PRRC1: variants seen among roughly 807,000 people sequenced by gnomAD.
PRRC1 encodes proline rich coiled-coil 1.
Under a neutral mutation model 40.7 loss-of-function variants are expected in PRRC1, and 39 were observed. That is an observed-to-expected ratio of 0.96 (90% confidence interval 0.74 to 1.25). The LOEUF (loss-of-function observed/expected upper bound fraction) is 1.25. PRRC1 is among the 50% of genes most tolerant of loss of function. PRRC1 has a pLI of 0.00. For missense variants in PRRC1, 573 were observed against 548.3 expected (o/e 1.05, Z -0.45); for synonymous variants, 175 against 193.3 (o/e 0.91, Z 0.79).
At chr5:127,520,332 C>G (rs112185544) in intron 1 of PRRC1, among the ~76,000 whole-genome samples, 1 of 152,172 alleles carries the variant, frequency 6.6e-6, no homozygotes, top group African/African-American at 2.4e-5. Context: ...CCTTAATGGC[C>G]TGTCTGCATC....
At position 127,530,384 on chromosome 5, in the gene PRRC1, G is replaced by T. The variant is rs146418859; in HGVS notation, c.745G>T (p.Ala249Ser). The T allele has an allele frequency of 2.4e-5, 38 of 1,613,072 alleles. No homozygotes were observed. Among genetic ancestry groups the T allele is most frequent in the Non-Finnish European group, 3.0e-5 (35 of 1,179,384 alleles). The change falls in exon 5 of 9, where the codon GCT (alanine) becomes TCT (serine). Residue 249 changes from alanine (A) to serine (S), a missense_variant. Coordinates refer to ENST00000296666, the MANE Select transcript of PRRC1 (RefSeq NM_130809.5). ...GATTACAACGCTGGACCCTGGCATG[G>T]CTCCCTATATCAGTATGTACATAAG... ...SMITTLDPGM[A>S]PYIKSGGELD...
rs1460497614 is a variant in PRRC1, at chr5:127,523,547, C to T, written c.68C>T (p.Ala23Val). 3 of 1,612,726 alleles carry T rather than the reference C, an allele frequency of 1.9e-6. No individual in the cohort carries two copies. In the African/African-American group the frequency reaches 4.0e-5, roughly 22 times the overall value. Residue 23 changes from alanine to valine, a missense_variant, in exon 2 of 9, where the codon GCT (alanine) becomes GTT (valine). Coordinates refer to ENST00000296666, the MANE Select transcript of PRRC1 (RefSeq NM_130809.5). ...CCTCCACCAAATCCTGCAGGGCTGGCTGCTACTGCTATGTCTTCTACCCCT... is the reference window on the plus strand; with the variant it reads ...CCTCCACCAAATCCTGCAGGGCTGGTTGCTACTGCTATGTCTTCTACCCCT... The part of the protein sequence containing the change: ...GTPPPNPAGL[A>V]ATAMSSTPVP...
At chr5:127,540,487 T>C (rs1373646064) in intron 7 of PRRC1, among the ~76,000 whole-genome samples, 2 of 152,138 alleles carry the variant, frequency 1.3e-5, no homozygotes, top group Non-Finnish European at 2.9e-5. Flanking sequence ...CATTTCTGTT[T>C]TTCTGTCTGG....
Position 127,552,064 on chromosome 5 carries a change from A to G in PRRC1, c.*148A>G. 1 of 1,443,760 alleles carries G rather than the reference A, an allele frequency of 6.9e-7. No individual in the cohort carries two copies. Among genetic ancestry groups the G allele is most frequent in the Non-Finnish European group, 9.1e-7 (1 of 1,099,716 alleles). The allele number at this position is 1,443,760 out of a possible 1,614,324, so 89.4% of individuals were successfully genotyped here. A position where few individuals can be genotyped will look rare whatever the true frequency, so the allele number is the denominator to read the frequency against. ...GCCTGCAATTTTTCTTTCTCTAGAA[A>G]GGCATCATGTCATTCCAGGAGACAA... On this transcript the variant is annotated 3_prime_UTR_variant, in exon 9 of 9. Coordinates refer to ENST00000296666, the MANE Select transcript of PRRC1 (RefSeq NM_130809.5).
intron 8 of PRRC1, 170 bp downstream of exon 8, chr5:127,548,091 G>A: frequency 1.5e-6 from 1 of 665,006 alleles, no homozygotes; most frequent in Non-Finnish European, 2.7e-6. Context: ...CTTCCATGTT[G>A]TTTTAGTACC....
rs113132719 is a variant in PRRC1, at chr5:127,523,602, A to G, written c.103+20A>G. ...CATTAGGTACATGTAGTTGTCTAAC[A>G]TCTCGTGTGTTTTGAGAATAGTGAA... On this transcript the variant is annotated intron_variant, in intron 2 of 8. Coordinates refer to ENST00000296666, the MANE Select transcript of PRRC1 (RefSeq NM_130809.5). The G allele has an allele frequency of 7.0e-5, 103 of 1,473,702 alleles. No individual in the cohort carries two copies. The African/African-American group carries it at 1.1e-3, about 16-fold the overall frequency. The allele number at this position is 1,473,702 out of a possible 1,614,324, so 91.3% of individuals were successfully genotyped here.
intron 8 of PRRC1, chr5:127,549,654 A>C (rs1193420361): frequency 6.6e-6 from 1 of 152,232 alleles, no homozygotes; most frequent in Non-Finnish European, 1.5e-5. Context: ...GCCACTGTTA[A>C]CATTGCTGTA....
intron 6 of PRRC1, among the ~76,000 whole-genome samples, chr5:127,536,329 G>C (rs868442739): frequency 1.6e-4 from 25 of 151,984 alleles, no homozygotes; most frequent in African/African-American, 6.0e-4. Context: ...GGTAAAATAA[G>C]TATGTATACA....
intron 7 of PRRC1, among the ~76,000 whole-genome samples, 175 bp downstream of exon 7, chr5:127,539,318 C>T (rs1274832225): frequency 6.6e-6 from 1 of 152,060 alleles, no homozygotes; most frequent in Non-Finnish European, 1.5e-5. Context: ...CATTTCTATC[C>T]TTGTGTCTCT....
Position 127,552,759 on chromosome 5 carries a change from T to C in PRRC1, c.*843T>C. On this transcript the variant is annotated 3_prime_UTR_variant, in exon 9 of 9. Transcript: ENST00000296666. Reference sequence around the variant, plus strand: ...TGTTTCTGCTTCCACTCATATTCTCTACACATTTTAATACAGAAATTTTTG... The same window carrying C: ...TGTTTCTGCTTCCACTCATATTCTCCACACATTTTAATACAGAAATTTTTG... The C allele has an allele frequency of 2.0e-6, 2 of 984,686 alleles. No individual in the cohort carries two copies. The highest frequency in any genetic ancestry group is 2.4e-6 in the Non-Finnish European group (2 of 828,846). The allele number at this position is 984,686 out of a possible 1,614,324, so 61.0% of individuals were successfully genotyped here.
At chr5:127,523,073 G>A (rs918414549) in intron 1 of PRRC1, among the ~76,000 whole-genome samples, 6 of 152,112 alleles carry the variant, frequency 3.9e-5, no homozygotes, top group Non-Finnish European at 8.8e-5. Flanking sequence ...TGGCCTCCCA[G>A]AGTGCTGGGA....
At chr5:127,534,545 T>C (rs1379891552) in intron 6 of PRRC1, among the ~76,000 whole-genome samples, 1 of 152,238 alleles carries the variant, frequency 6.6e-6, no homozygotes, top group Non-Finnish European at 1.5e-5. Flanking sequence ...CACTTCTCTT[T>C]AATGCTTTTT....
intron 3 of PRRC1, among the ~76,000 whole-genome samples, chr5:127,525,449 C>A (rs1446680629): frequency 6.6e-6 from 1 of 152,128 alleles, no homozygotes; most frequent in Non-Finnish European, 1.5e-5. Flanking sequence ...TTGTTTTCCA[C>A]TTTTTGGCTA....
At position 127,524,893 on chromosome 5, in the gene PRRC1, C is replaced by G; in HGVS notation, c.466C>G (p.Pro156Ala). The change falls in exon 3 of 9, where the codon CCA (proline) becomes GCA (alanine). Residue 156 changes from proline to alanine, a missense_variant. Coordinates refer to ENST00000296666, the MANE Select transcript of PRRC1 (RefSeq NM_130809.5). ...AGRAPQTPLM[P>A]SFSAPSGTGL... ...GAGAGCTCCCCAGACACCCCTGATGCCATCATTTTCTGCACCTTCAGGAAC... is the reference window on the plus strand; with the variant it reads ...GAGAGCTCCCCAGACACCCCTGATGGCATCATTTTCTGCACCTTCAGGAAC... 1 of 1,607,220 alleles carries G rather than the reference C, an allele frequency of 6.2e-7. No individual in the cohort carries two copies. Among genetic ancestry groups the G allele is most frequent in the Non-Finnish European group, 8.5e-7 (1 of 1,175,456 alleles).
intron 1 of PRRC1, among the ~76,000 whole-genome samples, chr5:127,518,562 AT>A (rs1767377272): frequency 6.6e-6 from 1 of 152,198 alleles, no homozygotes; most frequent in Non-Finnish European, 1.5e-5. Flanking sequence ...TTCAGTGAAA[AT>A]TTATAAAATT....
chr5:127,527,276 T>A (rs1015192548), intron 4 of PRRC1, among the ~76,000 whole-genome samples: 2 of 152,242 alleles, frequency 1.3e-5, no homozygotes, highest in Middle Eastern at 3.2e-3. Flanking sequence ...CATTCTGGAA[T>A]GGCTAAATTG....
chr5:127,522,062 A>G (rs889652710), intron 1 of PRRC1, among the ~76,000 whole-genome samples: 1 of 152,128 alleles, frequency 6.6e-6, no homozygotes, highest in Non-Finnish European at 1.5e-5. Context: ...TTTGCTAATC[A>G]TTGTCATTTC....
intron 1 of PRRC1, among the ~76,000 whole-genome samples, chr5:127,519,047 C>T (rs1182237728): frequency 6.6e-6 from 1 of 152,130 alleles, no homozygotes. Flanking sequence ...ATTATTTATT[C>T]CACTTAATGA....
At chr5:127,521,880 T>C (rs907181383) in intron 1 of PRRC1, among the ~76,000 whole-genome samples, 1 of 152,226 alleles carries the variant, frequency 6.6e-6, no homozygotes, top group East Asian at 1.9e-4. Flanking sequence ...CAAATCTCGG[T>C]TTATCTGTGA....
Sources: gnomAD v4.1 joint callset for allele counts (sites outside exome capture counted in the v4.1 genomes callset) on GRCh38, gnomAD v4.1.1 for gene constraint, MANE v1.5 for transcripts, NCBI Gene and HGNC (gene_info 2026-07-23, HGNC 2026-07-21) for gene names.